CORIN: variants seen among roughly 807,000 people sequenced by gnomAD.
CORIN encodes atrial natriuretic peptide-converting enzyme.
Under a neutral mutation model 125.3 loss-of-function variants are expected in CORIN, and 117 were observed. That is an observed-to-expected ratio of 0.93 (90% CI 0.80 to 1.09). The LOEUF (loss-of-function observed/expected upper bound fraction) is 1.09, where lower values mean the gene tolerates loss of function less well. Among genes scored for constraint, CORIN ranks in the 50% least tolerant of loss-of-function variants. CORIN has a pLI of 0.00. For synonymous variants in CORIN, 450 were observed against 466.4 expected (o/e 0.96, Z 0.45); for missense variants, 1,253 against 1,306.7 (o/e 0.96, Z 0.63).
chr4:47,698,626 T>C (rs533136526), intron 5 of CORIN, among the ~76,000 whole-genome samples: 1 of 152,184 alleles, frequency 6.6e-6, no homozygotes, highest in African/African-American at 2.4e-5. Flanking sequence ...CTTAAAGGAT[T>C]GCTCTGCCTA....
intron 19 of CORIN, among the ~76,000 whole-genome samples, chr4:47,607,440 T>C (rs1195727409): frequency 1.3e-5 from 2 of 151,412 alleles, no homozygotes; most frequent in Non-Finnish European, 2.9e-5. Context: ...AGAAAAAAAA[T>C]GTACACAGGA....
intron 5 of CORIN, among the ~76,000 whole-genome samples, chr4:47,713,787 ATG>A (rs1308683274): frequency 6.6e-6 from 1 of 151,958 alleles, no homozygotes; most frequent in African/African-American, 2.4e-5. Context: ...CAAATTTTTA[ATG>A]TTTTTTTTTA....
intron 5 of CORIN, among the ~76,000 whole-genome samples, chr4:47,727,288 T>C (rs1727633146): frequency 6.6e-6 from 1 of 152,096 alleles, no homozygotes; most frequent in Admixed American, 6.5e-5. Context: ...GAGTAAGTTT[T>C]CAAAGCACTA....
chr4:47,638,789 T>C (rs1291199313), intron 16 of CORIN, among the ~76,000 whole-genome samples: 1 of 152,240 alleles, frequency 6.6e-6, no homozygotes, highest in Non-Finnish European at 1.5e-5. Flanking sequence ...GCTTGATTTA[T>C]GCATTCTTCT....
chr4:47,763,220 T>C (rs1298297083), intron 4 of CORIN, among the ~76,000 whole-genome samples, 159 bp downstream of exon 4: 1 of 152,210 alleles, frequency 6.6e-6, no homozygotes, highest in East Asian at 1.9e-4. Context: ...TATTCCAGAT[T>C]TTCAAAACAT....
rs1384220223 is a variant in CORIN, at chr4:47,661,714, C to G, written c.1732G>C (p.Glu578Gln). ...TGTAATTAATTTTAAAATTAACCTT[C>G]CACATATTCATCAGGCATCAGGCAG... ...QTCLMPDEYVEECSPSHFKCR... is the reference protein window; with the variant it reads ...QTCLMPDEYVQECSPSHFKCR... Residue 578 changes from glutamate to glutamine, a missense_variant, in exon 12 of 22, where the codon GAA (glutamate) becomes CAA (glutamine). By Grantham distance (29) the Glu-to-Gln change is conservative. Coordinates refer to ENST00000273857, the MANE Select transcript of CORIN (RefSeq NM_006587.4). 1 of 1,609,514 alleles carries G rather than the reference C, an allele frequency of 6.2e-7. No individual in the cohort carries two copies. Among genetic ancestry groups the G allele is most frequent in the Non-Finnish European group, 8.5e-7 (1 of 1,176,922 alleles).
At chr4:47,778,754 G>T (rs1051588091) in intron 3 of CORIN, among the ~76,000 whole-genome samples, 3 of 152,122 alleles carry the variant, frequency 2.0e-5, no homozygotes, top group African/African-American at 7.2e-5. Context: ...ATAGAGGAGA[G>T]AAACCAACTG....
In CORIN at chr4:47,662,405, G is replaced by A. The variant is rs1054730835; in HGVS notation, c.1590-549C>T. Reference sequence around the variant, plus strand: ...TAGGACTCCTTCCAAACCCACTTACGTTGAGCTCGAGTTGGTTAAAATGTT... The same window carrying A: ...TAGGACTCCTTCCAAACCCACTTACATTGAGCTCGAGTTGGTTAAAATGTT... On this transcript the variant is annotated intron_variant, in intron 11 of 21. Transcript: ENST00000273857. Among the ~76,000 whole-genome samples the A allele has an allele frequency of 5.3e-5, 8 of 152,016 alleles. No homozygotes were observed. The East Asian group carries it at 5.8e-4, about 11-fold the overall frequency.
intron 3 of CORIN, among the ~76,000 whole-genome samples, chr4:47,777,524 G>A (rs993336232): frequency 6.6e-6 from 1 of 152,054 alleles, no homozygotes; most frequent in Admixed American, 6.5e-5. Context: ...CCAGCTACTC[G>A]GGAGGCTGAG....
At chr4:47,817,828 C>T (rs1455786296) in intron 1 of CORIN, among the ~76,000 whole-genome samples, 2 of 152,166 alleles carry the variant, frequency 1.3e-5, no homozygotes, top group Non-Finnish European at 2.9e-5. Context: ...ATCACATGAT[C>T]CTAAGTTCAC....
At position 47,789,670 on chromosome 4, in the gene CORIN, C is replaced by T. The variant is rs564343611; in HGVS notation, c.209-2745G>A. On this transcript the variant is annotated intron_variant, in intron 2 of 21. Coordinates refer to ENST00000273857, the MANE Select transcript of CORIN (RefSeq NM_006587.4). ...TCTACTATGCATTTTCTTTTAAGCA[C>T]AAGAATTAGAACTCAATAAAACTAA... 3.0e-4 allele frequency among the ~76,000 whole-genome samples: 45 copies of T among 152,126 alleles called. 1 individual carries two copies. In the South Asian group the frequency reaches 9.1e-3, roughly 31 times the overall value.
At chr4:47,622,294 A>G (rs1441737123) in intron 19 of CORIN, among the ~76,000 whole-genome samples, 4 of 151,108 alleles carry the variant, frequency 2.6e-5, no homozygotes, top group Non-Finnish European at 5.9e-5. Context: ...ATTGTGAATA[A>G]TGCCGCAATA....
chr4:47,763,468 T>C lies in CORIN; in HGVS notation c.528A>G (p.Thr176=), dbSNP rs138060883. The change falls in exon 4 of 22, where the codon ACA becomes ACG. Residue 176 remains threonine, a synonymous_variant. Coordinates refer to ENST00000273857, the MANE Select transcript of CORIN (RefSeq NM_006587.4). Reference sequence around the variant, plus strand: ...GATAGCAACTGAGGCGATGGAGATATGTGAAAAACTTGAGGAACTTTTCCA... The same window carrying C: ...GATAGCAACTGAGGCGATGGAGATACGTGAAAAACTTGAGGAACTTTTCCA... ...MEMEKFLKFF[T]YLHRLSCYQH... is the part of the protein sequence containing the mutation. The C allele has an allele frequency of 9.1e-5, 147 of 1,614,010 alleles. No homozygotes were observed. The highest frequency in any genetic ancestry group is 1.6e-4 in the Middle Eastern group (1 of 6,084).
chr4:47,683,883 A>C (rs1173694952), intron 6 of CORIN, 45 bp from the exon 7 acceptor site: 1 of 1,404,346 alleles, frequency 7.1e-7, no homozygotes, highest in African/African-American at 1.4e-5. Flanking sequence ...AGCCATACAG[A>C]ATGCTATTGT....
At chr4:47,638,107 T>C (rs971063084) in intron 16 of CORIN, among the ~76,000 whole-genome samples, 3 of 152,246 alleles carry the variant, frequency 2.0e-5, no homozygotes, top group Admixed American at 2.0e-4. Flanking sequence ...CCCTGCTGGA[T>C]TTCAGACTTG....
At chr4:47,668,189 T>A (rs1724566400) in intron 10 of CORIN, among the ~76,000 whole-genome samples, 1 of 152,260 alleles carries the variant, frequency 6.6e-6, no homozygotes. Flanking sequence ...CAGTCTGAAC[T>A]AAGACAAGAA....
chr4:47,744,622 T>C, intron 4 of CORIN, 39 bp from the exon 5 acceptor site: 1 of 1,528,052 alleles, frequency 6.5e-7, no homozygotes. Context: ...ATTAGTGTCT[T>C]TACAGAATAG....
At chr4:47,738,232 T>C (rs1043726362) in intron 5 of CORIN, among the ~76,000 whole-genome samples, 5 of 151,970 alleles carry the variant, frequency 3.3e-5, no homozygotes, top group African/African-American at 1.2e-4. Flanking sequence ...GTGGCAGACA[T>C]TGAGACCCTG....
At chr4:47,684,712 T>C (rs1209262603) in intron 6 of CORIN, among the ~76,000 whole-genome samples, 3 of 152,150 alleles carry the variant, frequency 2.0e-5, no homozygotes, top group African/African-American at 7.2e-5. Flanking sequence ...ACTAGAATAA[T>C]ATTTGCAAAT....
Sources: gnomAD v4.1 joint callset for allele counts (sites outside exome capture counted in the v4.1 genomes callset) on GRCh38, gnomAD v4.1.1 for gene constraint, MANE v1.5 for transcripts, NCBI Gene and HGNC (gene_info 2026-07-23, HGNC 2026-07-21) for gene names.